Variants in DCHS1 observed in about 807,000 individuals in gnomAD.
DCHS1 encodes dachsous cadherin-related 1.
DCHS1 carries 78 observed loss-of-function variants against 213.9 expected under a neutral mutation model. The observed-to-expected ratio is 0.36, with a 90% CI of 0.30 to 0.44. The LOEUF is 0.44. DCHS1 is among the 20% of genes least tolerant of loss of function. DCHS1 has a pLI of 1.00. For missense variants in DCHS1, 3,946 were observed against 4,395.9 expected, an observed-to-expected ratio of 0.90 and a Z score of 2.89; for synonymous variants, 1,828 against 1,873.7, an observed-to-expected ratio of 0.98 and a Z score of 0.63.
Position 6,630,794 on chromosome 11 carries a change from G to A in DCHS1, c.4000C>T (p.Pro1334Ser). Reference sequence around the variant, plus strand: ...GCTGCTGTCACCGTCAGCACGACAGGCACTGGTGCCGCTGGGTCCCGCTCT... The same window carrying A: ...GCTGCTGTCACCGTCAGCACGACAGACACTGGTGCCGCTGGGTCCCGCTCT... ...LAERDPAAPV[P>S]VVLTVTAAEG... Residue 1334 changes from proline (P) to serine (S), a missense_variant, in exon 10 of 21, where the codon CCT becomes TCT. By Grantham distance (74) the Pro-to-Ser change is moderately conservative (BLOSUM62 -1). This residue lies in a region of DCHS1 where 3,384 missense variants were observed against 3,780.1 expected (regional missense o/e 0.90). Transcript: ENST00000299441. 6.5e-7 allele frequency: 1 copy of A among 1,545,824 alleles called. No individual in the cohort carries two copies. The highest frequency in any genetic ancestry group is 8.7e-7 in the Non-Finnish European group (1 of 1,145,248).
intron 1 of DCHS1, among the ~76,000 whole-genome samples, chr11:6,654,250 T>C (rs151247340): frequency 6.6e-6 from 1 of 152,092 alleles, no homozygotes; most frequent in African/African-American, 2.4e-5. Context: ...CAAGTGGCTG[T>C]GTGGTAAGGG....
At chr11:6,645,327 G>A (rs138882519) in intron 1 of DCHS1, among the ~76,000 whole-genome samples, 2 of 152,294 alleles carry the variant, frequency 1.3e-5, no homozygotes, top group Non-Finnish European at 2.9e-5. Flanking sequence ...TGGTTCCAGG[G>A]CCCAGATCAG....
Position 6,630,414 on chromosome 11 carries a change from C to T in DCHS1, c.4380G>A (p.Ala1460=), listed in dbSNP as rs1589955946. The T allele has an allele frequency of 1.4e-6, 2 of 1,439,164 alleles. No individual in the cohort carries two copies. Among genetic ancestry groups the T allele is most frequent in the African/African-American group, 1.5e-5 (1 of 65,962 alleles). The allele number at this position is 1,439,164 out of a possible 1,614,324, so 89.1% of individuals were successfully genotyped here. Residue 1460 remains alanine (A), a synonymous_variant, in exon 10 of 21, where the codon GCG becomes GCA. Transcript: ENST00000299441. ...EPGAALYTFR[A]SDADGPGPNS... ...TGGGGCCGGGGCCGTCGGCGTCCGA[C>T]GCGCGGAAAGTGTACAGCGCTGCGC...
chr11:6,640,595 T>C lies in DCHS1; in HGVS notation c.1019A>G (p.His340Arg). 3 of 1,608,808 alleles carry C rather than the reference T, an allele frequency of 1.9e-6. No individual in the cohort carries two copies. Among genetic ancestry groups the C allele is most frequent in the Non-Finnish European group, 1.7e-6 (2 of 1,179,838 alleles). Reference sequence around the variant, plus strand: ...CACAAAGGCCGAGCCCAGCTCAGGGTGAGCCCCACCATCTCGTGCTTGCAC... The same window carrying C: ...CACAAAGGCCGAGCCCAGCTCAGGGCGAGCCCCACCATCTCGTGCTTGCAC... Reference protein sequence around the residue: ...LVVQARDGGAHPELGSAFVTV... With the variant: ...LVVQARDGGARPELGSAFVTV... Residue 340 changes from histidine to arginine, a missense_variant, in exon 2 of 21, where the codon CAC (histidine) becomes CGC (arginine). Physicochemically the swap from His to Arg is conservative, Grantham distance 29. Around this residue, in one of 3 missense-constraint regions of DCHS1, gnomAD observed 3,384 missense variants for 3,780.1 expected, o/e 0.90. Coordinates refer to ENST00000299441, the MANE Select transcript of DCHS1 (RefSeq NM_003737.4). The surrounding 1 kb of genome is among the most constrained non-coding windows in gnomAD (Gnocchi z 6.5).
At chr11:6,652,009 C>T (rs1323620639) in intron 1 of DCHS1, among the ~76,000 whole-genome samples, 1 of 151,988 alleles carries the variant, frequency 6.6e-6, no homozygotes, top group Non-Finnish European at 1.5e-5. Flanking sequence ...AATTGATTAC[C>T]TAGAGGTGTG....
At chr11:6,643,895 C>T (rs1343392494) in intron 1 of DCHS1, among the ~76,000 whole-genome samples, 1 of 152,176 alleles carries the variant, frequency 6.6e-6, no homozygotes, top group East Asian at 1.9e-4. Flanking sequence ...GTCCAACTAG[C>T]AATCCAGAAG....
intron 1 of DCHS1, among the ~76,000 whole-genome samples, chr11:6,647,354 G>A (rs1418082790): frequency 6.6e-6 from 1 of 152,102 alleles, no homozygotes; most frequent in East Asian, 1.9e-4. Context: ...GCTGGAAGAA[G>A]GAGGAGGGGG....
chr11:6,632,511 T>G lies in DCHS1; in HGVS notation c.3001A>C (p.Asn1001His), dbSNP rs1855926891. ...AGGTCCACACGGTAGGTAGGGCTGT[T>G]GAATCGGGGAGCCAGCCCACGGGTT... Reference protein sequence around the residue: ...VGTRGLAPRFNSPTYRVDLPS... With the variant: ...VGTRGLAPRFHSPTYRVDLPS... Residue 1001 changes from asparagine (N) to histidine (H), a missense_variant, in exon 6 of 21, where the codon AAC becomes CAC. Around this residue, in one of 3 missense-constraint regions of DCHS1, gnomAD observed 3,384 missense variants for 3,780.1 expected, o/e 0.90. Coordinates refer to ENST00000299441, the MANE Select transcript of DCHS1 (RefSeq NM_003737.4). The surrounding 1 kb of genome is among the most constrained non-coding windows in gnomAD (Gnocchi z 5.9). The G allele has an allele frequency of 1.3e-6, 2 of 1,550,832 alleles. No homozygotes were observed. Among genetic ancestry groups the G allele is most frequent in the Non-Finnish European group, 1.7e-6 (2 of 1,146,968 alleles).
In DCHS1 at chr11:6,627,350, C is replaced by T. The variant is rs1269290321; in HGVS notation, c.5689G>A (p.Gly1897Ser). 7.5e-6 allele frequency: 12 copies of T among 1,607,708 alleles called. No individual in the cohort carries two copies. Among genetic ancestry groups the T allele is most frequent in the African/African-American group, 2.7e-5 (2 of 74,810 alleles). ...TCCAGCAGGAAGGCTCCTGCTGTAC[C>T]GGCGCCCAGGTAGTAGGTCACATGG... is the stretch of plus-strand genomic sequence containing the variant. ...NGHVTYYLGA[G>S]TAGAFLLEPS... Residue 1897 changes from glycine to serine, a missense_variant, in exon 14 of 21, where the codon GGT becomes AGT. This residue lies in a region of DCHS1 where 3,384 missense variants were observed against 3,780.1 expected (regional missense o/e 0.90). Transcript: ENST00000299441. The surrounding 1 kb of genome is among the most constrained non-coding windows in gnomAD (Gnocchi z 5.4).
At position 6,628,751 on chromosome 11, in the gene DCHS1, A is replaced by C. The variant is rs747990159; in HGVS notation, c.5241T>G (p.His1747Gln). 10 of 1,613,930 alleles carry C rather than the reference A, an allele frequency of 6.2e-6. No homozygotes were observed. In the East Asian group the frequency reaches 1.8e-4, roughly 29 times the overall value. Residue 1747 changes from histidine to glutamine, a missense_variant, in exon 13 of 21, where the codon CAT (histidine) becomes CAG (glutamine). By Grantham distance (24) the His-to-Gln change is conservative (BLOSUM62 0). Transcript: ENST00000299441. The surrounding 1 kb of genome is among the most constrained non-coding windows in gnomAD (Gnocchi z 4.3). The part of the protein sequence containing the change: ...VRVAVEDEND[H>Q]APTFGSAHLS... ...GATGGGCACTCCCAAAGGTTGGTGC[A>C]TGGTCATTCTCATCCTCCACAGCCA...
chr11:6,633,564 A>C lies in DCHS1; in HGVS notation c.2303T>G (p.Leu768Arg), dbSNP rs753979530. 4.4e-6 allele frequency: 7 copies of C among 1,592,096 alleles called. No individual in the cohort carries two copies. The South Asian group carries it at 8.0e-5, about 18-fold the overall frequency. ...LEIGAEDGGG[L>R]QAEPSARVDI... ...CACTCGGGCACTGGGTTCTGCCTGT[A>C]GGCCACCTCCGTCCTCAGCCCCGAT... Residue 768 changes from leucine (L) to arginine (R), a missense_variant, in exon 5 of 21, where the codon CTA becomes CGA. Around this residue, in one of 3 missense-constraint regions of DCHS1, gnomAD observed 3,384 missense variants for 3,780.1 expected, o/e 0.90. Transcript: ENST00000299441.
chr11:6,641,117 G>A lies in DCHS1; in HGVS notation c.497C>T (p.Pro166Leu). ...TAFGTRYPLE[P>L]ARDADAGRLG... ...ACGCCCAGCATCTGCATCACGAGCA[G>A]GCTCCAGTGGGTAGCGGGTGCCAAA... The change falls in exon 2 of 21, where the codon CCT (proline) becomes CTT (leucine). Residue 166 changes from proline (P) to leucine (L), a missense_variant. Coordinates refer to ENST00000299441, the MANE Select transcript of DCHS1 (RefSeq NM_003737.4). This position sits in a 1 kb window ranked among gnomAD's most constrained non-coding sequence, Gnocchi z 7.1. 1 of 1,613,914 alleles carries A rather than the reference G, an allele frequency of 6.2e-7. No individual in the cohort carries two copies. The highest frequency in any genetic ancestry group is 8.5e-7 in the Non-Finnish European group (1 of 1,179,896).
Position 6,631,422 on chromosome 11 carries a change from C to T in DCHS1, c.3676-15G>A, listed in dbSNP as rs377750047. The T allele has an allele frequency of 1.9e-6, 3 of 1,613,800 alleles. No homozygotes were observed. The highest frequency in any genetic ancestry group is 1.3e-5 in the African/African-American group (1 of 75,068). ...CGGTCTGGTACCTGTGGGAACACAA[C>T]TCACCTAGTGAGTCTCTTTCCTGTT... On this transcript the variant is annotated splice_polypyrimidine_tract_variant and intron_variant, in intron 7 of 20. Coordinates refer to ENST00000299441, the MANE Select transcript of DCHS1 (RefSeq NM_003737.4).
intron 1 of DCHS1, among the ~76,000 whole-genome samples, chr11:6,644,827 C>T (rs918206261): frequency 6.6e-6 from 1 of 152,236 alleles, no homozygotes; most frequent in South Asian, 2.1e-4. Context: ...TGAGGCCCCT[C>T]GGTCAGTCCT....
In DCHS1 at chr11:6,623,538, G is replaced by T; in HGVS notation, c.8138C>A (p.Thr2713Asn). ...TGGAGGCTGATTCTCGGCCACGCTG[G>T]TGCTGAGTAAGTTCAGTGGGAAGGC... ...GPAFPLNLLS[T>N]SVAENQPPGT... Residue 2713 changes from threonine to asparagine, a missense_variant, in exon 21 of 21, where the codon ACC (threonine) becomes AAC (asparagine). Physicochemically the swap from Thr to Asn is moderately conservative, Grantham distance 65. This residue lies in a region of DCHS1 where 3,384 missense variants were observed against 3,780.1 expected (regional missense o/e 0.90). Transcript: ENST00000299441. 8 of 1,611,352 alleles carry T rather than the reference G, an allele frequency of 5.0e-6. No individual in the cohort carries two copies. The highest frequency in any genetic ancestry group is 6.8e-6 in the Non-Finnish European group (8 of 1,178,810).
In DCHS1 at chr11:6,629,892, C is replaced by G; in HGVS notation, c.4815G>C (p.Arg1605=). ...HSSTGALSVV[R]PLDREQRAEH... is the part of the protein sequence containing the mutation. The stretch of plus-strand genomic sequence containing the variant: ...CAGCTCGTTGTTCGCGGTCCAACGG[C>G]CGCACCACGGACAGCGCTCCTAGGT... Residue 1605 remains arginine, a synonymous_variant, in exon 11 of 21, where the codon CGG becomes CGC. Coordinates refer to ENST00000299441, the MANE Select transcript of DCHS1 (RefSeq NM_003737.4). 6.2e-7 allele frequency: 1 copy of G among 1,612,590 alleles called. No individual in the cohort carries two copies.
In DCHS1 at chr11:6,643,044, A is replaced by G. The variant is rs374367296; in HGVS notation, c.-120-1311T>C. 2.0e-4 allele frequency among the ~76,000 whole-genome samples: 31 copies of G among 152,248 alleles called. No individual in the cohort carries two copies. In the East Asian group the frequency reaches 6.0e-3, roughly 29 times the overall value. ...GTCAAGGATGATGCGCACATTTCTG[A>G]CCTGAACTACCAGCTGGATAAAGGT... is the stretch of plus-strand genomic sequence containing the variant. On this transcript the variant is annotated intron_variant, in intron 1 of 20. Coordinates refer to ENST00000299441, the MANE Select transcript of DCHS1 (RefSeq NM_003737.4).
chr11:6,629,295 C>A (rs1460928430), intron 12 of DCHS1, among the ~76,000 whole-genome samples, 157 bp downstream of exon 12: 1 of 152,200 alleles, frequency 6.6e-6, no homozygotes, highest in African/African-American at 2.4e-5. Context: ...TTGCACCCTG[C>A]CAAACTCTCG....
chr11:6,629,416 C>A, intron 12 of DCHS1, 36 bp downstream of exon 12: 1 of 1,609,336 alleles, frequency 6.2e-7, no homozygotes, highest in Non-Finnish European at 8.5e-7. Context: ...GTTTACAACA[C>A]CTCACTCAGG....
Sources: allele counts gnomAD v4.1 joint callset (sites outside exome capture counted in the v4.1 genomes callset), GRCh38; gene constraint gnomAD v4.1.1; regional missense constraint gnomAD v4.1.1; non-coding constraint Gnocchi (gnomAD v3.1); transcripts MANE v1.5; gene names NCBI Gene and HGNC (gene_info 2026-07-23, HGNC 2026-07-21).